RPL13A: variants seen among roughly 807,000 people sequenced by gnomAD.
RPL13A encodes large ribosomal subunit protein uL13.
A neutral mutation model predicts 30.8 loss-of-function variants in RPL13A; 4 were observed. That is an observed-to-expected ratio of 0.13 (90% CI 0.06 to 0.30). RPL13A has a LOEUF of 0.30. RPL13A is among the 10% of genes least tolerant of loss of function. The probability of loss-of-function intolerance (pLI) is 1.00; values close to 1 mark genes in which losing one functional copy is unlikely to be tolerated. For synonymous variants in RPL13A, 108 were observed against 104.2 expected (o/e 1.04, Z -0.22); for missense variants, 196 against 272.6 (o/e 0.72, Z 1.98).
intron 4 of RPL13A, 47 bp downstream of exon 4, chr19:49,490,623 T>C (rs1254866921): frequency 4.4e-6 from 7 of 1,594,648 alleles, no homozygotes; most frequent in African/African-American, 1.3e-5. Flanking sequence ...AGGCGGCCGG[T>C]GATGAGAACT....
intron 1 of RPL13A, among the ~76,000 whole-genome samples, chr19:49,488,710 TTA>T (rs1305799538): frequency 6.6e-6 from 1 of 152,332 alleles, no homozygotes; most frequent in Non-Finnish European, 1.5e-5. Context: ...ATTTCTACTT[TTA>T]GTGTTTTTTC....
intron 2 of RPL13A, 49 bp from the exon 3 acceptor site, chr19:49,490,183 G>A (rs201604043): frequency 6.4e-7 from 1 of 1,568,108 alleles, no homozygotes; most frequent in East Asian, 2.2e-5. Flanking sequence ...ATAGGCAGTG[G>A]TGGGACCCTC....
chr19:49,490,717 G>T, intron 4 of RPL13A, 62 bp from the exon 5 acceptor site: 1 of 1,578,298 alleles, frequency 6.3e-7, no homozygotes. Context: ...GCCCACCTCA[G>T]TGGGGTGGGT....
chr19:49,489,824 A>G, intron 1 of RPL13A, 26 bp from the exon 2 acceptor site: 2 of 1,532,270 alleles, frequency 1.3e-6, no homozygotes, highest in South Asian at 2.2e-5. Context: ...CTTGTCTCTG[A>G]GTCCTTTTGC....
At chr19:49,487,981 C>T (rs2079823966) in intron 1 of RPL13A, among the ~76,000 whole-genome samples, 1 of 151,748 alleles carries the variant, frequency 6.6e-6, no homozygotes, top group African/African-American at 2.4e-5. Flanking sequence ...TGTGTGTCCT[C>T]AGCGATGAGG....
intron 7 of RPL13A, 37 bp from the exon 8 acceptor site, chr19:49,491,692 C>T (rs1280823729): frequency 2.5e-6 from 4 of 1,601,212 alleles, no homozygotes; most frequent in African/African-American, 2.7e-5. Context: ...CAATGCAACC[C>T]CTCCTGACCA....
chr19:49,491,400 T>TCCC (rs1555806959), intron 6 of RPL13A, 25 bp from the exon 7 acceptor site: 109 of 977,566 alleles, frequency 1.1e-4, no homozygotes, highest in South Asian at 4.5e-4. Flanking sequence ...CTTCATTTGT[T>TCCC]CACCCCCCCC....
In RPL13A at chr19:49,487,629, G is replaced by C. The variant is rs1339491594; in HGVS notation, c.-1G>C. On this transcript the variant is annotated 5_prime_UTR_variant, in exon 1 of 8. Transcript: ENST00000391857. The stretch of plus-strand genomic sequence containing the variant: ...CCTCCTTTTCCAAGCGGCTGCCGAA[G>C]ATGGCGGAGGTGCAGGTATGGGCTC... The C allele has an allele frequency of 6.4e-7, 1 of 1,574,730 alleles. No individual in the cohort carries two copies. The highest frequency in any genetic ancestry group is 1.9e-5 in the Admixed American group (1 of 53,300).
At chr19:49,488,805 A>T (rs1193857005) in intron 1 of RPL13A, among the ~76,000 whole-genome samples, 1 of 152,144 alleles carries the variant, frequency 6.6e-6, no homozygotes, top group Non-Finnish European at 1.5e-5. Flanking sequence ...TCCCAAGTTC[A>T]AGTGATTCTC....
rs746061159 is a variant in RPL13A, at chr19:49,490,496, G to T, written c.176G>T (p.Arg59Leu). 6.2e-7 allele frequency: 1 copy of T among 1,614,184 alleles called. No individual in the cohort carries two copies. Among genetic ancestry groups the T allele is most frequent in the South Asian group, 1.1e-5 (1 of 91,088 alleles). ...RNKLKYLAFL[R>L]KRMNTNPSRG... Reference sequence around the variant, plus strand: ...CTAGTGAAGTACCTGGCTTTCCTCCGCAAGCGGATGAACACCAACCCTTCC... The same window carrying T: ...CTAGTGAAGTACCTGGCTTTCCTCCTCAAGCGGATGAACACCAACCCTTCC... The change falls in exon 4 of 8, where the codon CGC becomes CTC. Residue 59 changes from arginine (R) to leucine (L), a missense_variant. Coordinates refer to ENST00000391857, the MANE Select transcript of RPL13A (RefSeq NM_012423.4).
intron 2 of RPL13A, 36 bp from the exon 3 acceptor site, chr19:49,490,196 G>A (rs1374158436): frequency 6.2e-7 from 1 of 1,605,484 alleles, no homozygotes; most frequent in Non-Finnish European, 8.5e-7. Flanking sequence ...GGACCCTCAG[G>A]CGGCTCGGCC....
At chr19:49,487,728 G>A in intron 1 of RPL13A, 84 bp downstream of exon 1, 1 of 1,355,342 alleles carries the variant, frequency 7.4e-7, no homozygotes, top group Non-Finnish European at 9.7e-7. Flanking sequence ...TGTCTTGCAT[G>A]TTTTGCGGAG....
chr19:49,488,505 C>T (rs969500091), intron 1 of RPL13A, among the ~76,000 whole-genome samples: 1 of 152,214 alleles, frequency 6.6e-6, no homozygotes, highest in Non-Finnish European at 1.5e-5. Flanking sequence ...TTGCGTAGTT[C>T]AGTTAACCAT....
At position 49,491,402 on chromosome 19, in the gene RPL13A, ACCCCCCC is replaced by A. The variant is rs71180637; in HGVS notation, c.403-11_403-5del. The A allele has an allele frequency of 6.1e-3, 1,432 of 236,568 alleles. 18 individuals carry two copies. The highest frequency in any genetic ancestry group is 0.014 in the East Asian group (154 of 11,366). The allele number at this position is 236,568 out of a possible 1,614,324, so 14.7% of individuals were successfully genotyped here. A position where few individuals can be genotyped will look rare whatever the true frequency, so the allele number is the denominator to read the frequency against. ...GATATCCTTACAACTTCATTTGTTCACCCCCCCCCCCCCCCCCCGCAGTTTGCCTATC... is the reference window on the plus strand; with the variant it reads ...GATATCCTTACAACTTCATTTGTTCACCCCCCCCCCCGCAGTTTGCCTATC... On this transcript the variant is annotated splice_polypyrimidine_tract_variant and intron_variant, in intron 6 of 7. Coordinates refer to ENST00000391857, the MANE Select transcript of RPL13A (RefSeq NM_012423.4).
Position 49,491,966 on chromosome 19 carries a change from C to T in RPL13A, c.*151C>T, listed in dbSNP as rs1006460149. 1.2e-4 allele frequency: 76 copies of T among 626,236 alleles called. No homozygotes were observed. The highest frequency in any genetic ancestry group is 1.9e-4 in the Non-Finnish European group (68 of 355,804). 38.8% of individuals were successfully genotyped at this position (626,236 alleles called of 1,614,324 possible). Reference sequence around the variant, plus strand: ...GGGAGCAAGGAAAGGGTCTTAGTCACTGCCTCCCGAAGTTGCTTGAAAGCA... The same window carrying T: ...GGGAGCAAGGAAAGGGTCTTAGTCATTGCCTCCCGAAGTTGCTTGAAAGCA... On this transcript the variant is annotated 3_prime_UTR_variant, in exon 8 of 8. Transcript: ENST00000391857.
intron 1 of RPL13A, among the ~76,000 whole-genome samples, chr19:49,488,395 A>T (rs2079830075): frequency 6.6e-6 from 1 of 152,154 alleles, no homozygotes; most frequent in African/African-American, 2.4e-5. Flanking sequence ...CTTTGTGAGT[A>T]GTCTGTTGTT....
chr19:49,490,538 T>G lies in RPL13A; in HGVS notation c.218T>G (p.Phe73Cys). ...AACCCTTCCCGAGGCCCCTACCACT[T>G]CCGGGCCCCCAGCCGCATCTTCTGG... ...NTNPSRGPYH[F>C]RAPSRIFWRT... Residue 73 changes from phenylalanine (F) to cysteine (C), a missense_variant, in exon 4 of 8, where the codon TTC (phenylalanine) becomes TGC (cysteine). Phe to Cys is a radical substitution (Grantham distance 205). Coordinates refer to ENST00000391857, the MANE Select transcript of RPL13A (RefSeq NM_012423.4). The G allele has an allele frequency of 1.2e-6, 2 of 1,614,052 alleles. No homozygotes were observed. Among genetic ancestry groups the G allele is most frequent in the Non-Finnish European group, 1.7e-6 (2 of 1,180,014 alleles).
chr19:49,490,049 C>T (rs1478015578), intron 2 of RPL13A, 127 bp downstream of exon 2: 2 of 1,000,972 alleles, frequency 2.0e-6, no homozygotes, highest in South Asian at 1.3e-5. Flanking sequence ...CTGAGACCTG[C>T]CAGCCACTCT....
intron 1 of RPL13A, 55 bp downstream of exon 1, chr19:49,487,699 A>G: frequency 6.8e-7 from 1 of 1,470,746 alleles, no homozygotes; most frequent in South Asian, 1.4e-5. Context: ...TCCAGGCCGG[A>G]ATGGGGTCGC....
Sources: gnomAD v4.1 joint callset for allele counts (sites outside exome capture counted in the v4.1 genomes callset) on GRCh38, gnomAD v4.1.1 for gene constraint, MANE v1.5 for transcripts, NCBI Gene and HGNC (gene_info 2026-07-23, HGNC 2026-07-21) for gene names.